Variants in PPP1R42 observed in about 807,000 individuals in gnomAD.
The protein encoded by PPP1R42 is leucine rich repeat containing 67.
Under a neutral mutation model 31.0 loss-of-function variants are expected in PPP1R42, and 34 were observed. The ratio of observed to expected loss-of-function variants is 1.10; its 90% confidence interval spans 0.83 to 1.46. The LOEUF (loss-of-function observed/expected upper bound fraction) is 1.46, where lower values mean the gene tolerates loss of function less well. PPP1R42 is among the 40% of genes most tolerant of loss of function. PPP1R42 has a pLI of 0.00. For synonymous variants in PPP1R42, 103 were observed against 109.8 expected, an observed-to-expected ratio of 0.94 and a Z score of 0.39; for missense variants, 268 against 303.0, an observed-to-expected ratio of 0.88 and a Z score of 0.86.
At chr8:67,010,664 C>G in intron 5 of PPP1R42, 51 bp downstream of exon 5, 1 of 1,254,848 alleles carries the variant, frequency 8.0e-7, no homozygotes, top group Non-Finnish European at 1.1e-6. Flanking sequence ...AAACATTTTT[C>G]AATCATAATT....
chr8:67,007,838 C>T (rs537977137), intron 5 of PPP1R42, among the ~76,000 whole-genome samples: 1 of 151,140 alleles, frequency 6.6e-6, no homozygotes, highest in East Asian at 1.9e-4. Flanking sequence ...CCTTATTTCA[C>T]TTGCCCCAAA....
At chr8:66,973,522 T>G (rs1174243699) in intron 7 of PPP1R42, among the ~76,000 whole-genome samples, 2 of 152,160 alleles carry the variant, frequency 1.3e-5, no homozygotes, top group African/African-American at 4.8e-5. Flanking sequence ...GCCAGGCTGG[T>G]CTCGAACTCC....
intron 6 of PPP1R42, chr8:66,988,098 A>G (rs1563419466): frequency 9.9e-7 from 1 of 1,013,316 alleles, no homozygotes; most frequent in Non-Finnish European, 1.2e-6. Flanking sequence ...TGTGCTAACG[A>G]AAGTTTGGCA....
intron 1 of PPP1R42, among the ~76,000 whole-genome samples, chr8:67,022,774 T>C (rs1333005553): frequency 1.3e-5 from 2 of 152,098 alleles, no homozygotes; most frequent in Non-Finnish European, 2.9e-5. Context: ...TCTTCTATGG[T>C]TCTTTTCTCT....
intron 7 of PPP1R42, among the ~76,000 whole-genome samples, chr8:66,981,694 A>C (rs1301609478): frequency 2.0e-5 from 3 of 152,120 alleles, no homozygotes; most frequent in African/African-American, 7.2e-5. Context: ...TTGCACTGTT[A>C]CTTAACAAAT....
chr8:67,017,945 A>G, intron 1 of PPP1R42, 114 bp from the exon 2 acceptor site: 1 of 459,144 alleles, frequency 2.2e-6, no homozygotes, highest in Non-Finnish European at 3.5e-6. Context: ...AAGCTAGTTT[A>G]TAGACATTTT....
intron 7 of PPP1R42, among the ~76,000 whole-genome samples, chr8:66,980,011 G>T (rs1814781852): frequency 6.6e-6 from 1 of 152,104 alleles, no homozygotes; most frequent in East Asian, 1.9e-4. Context: ...CATCTTTGGT[G>T]TAATACTGAA....
intron 1 of PPP1R42, among the ~76,000 whole-genome samples, 166 bp from the exon 2 acceptor site, chr8:67,017,997 C>T (rs1816067852): frequency 6.6e-6 from 1 of 152,174 alleles, no homozygotes; most frequent in Admixed American, 6.5e-5. Flanking sequence ...GACATAACTT[C>T]ATAAAAAGAT....
At chr8:67,015,034 C>G (rs1420449111) in intron 2 of PPP1R42, among the ~76,000 whole-genome samples, 1 of 150,078 alleles carries the variant, frequency 6.7e-6, no homozygotes, top group Non-Finnish European at 1.5e-5. Flanking sequence ...ATTTTTTTTT[C>G]CTGAGATGGA....
At chr8:67,008,357 C>T (rs1815746576) in intron 5 of PPP1R42, among the ~76,000 whole-genome samples, 2 of 152,032 alleles carry the variant, frequency 1.3e-5, no homozygotes, top group Admixed American at 1.3e-4. Flanking sequence ...AATAGATTAA[C>T]TTGATGGGGA....
chr8:66,965,281 A>G (rs1166938084), intron 7 of PPP1R42, among the ~76,000 whole-genome samples: 3 of 150,618 alleles, frequency 2.0e-5, no homozygotes, highest in Admixed American at 2.0e-4. Flanking sequence ...AAAAAAAAAA[A>G]GAAAACCTTT....
At chr8:66,974,895 AAT>A (rs1056163753) in intron 7 of PPP1R42, among the ~76,000 whole-genome samples, 7 of 152,210 alleles carry the variant, frequency 4.6e-5, no homozygotes, top group Non-Finnish European at 8.8e-5. Context: ...GTATCTATGT[AAT>A]ATATTTCAAA....
At chr8:67,025,934 G>A (rs1330654222) in intron 1 of PPP1R42, among the ~76,000 whole-genome samples, 2 of 151,590 alleles carry the variant, frequency 1.3e-5, no homozygotes. Context: ...GAACCTGGGA[G>A]GCAGAGGTGG....
At chr8:67,004,908 C>CT (rs1815626602) in intron 5 of PPP1R42, among the ~76,000 whole-genome samples, 1 of 152,130 alleles carries the variant, frequency 6.6e-6, no homozygotes, top group Non-Finnish European at 1.5e-5. Context: ...CTCTGAAACT[C>CT]TTAAATATCA....
intron 5 of PPP1R42, among the ~76,000 whole-genome samples, chr8:67,007,538 G>T (rs993799737): frequency 2.0e-5 from 3 of 152,076 alleles, no homozygotes; most frequent in Non-Finnish European, 4.4e-5. Context: ...TATTGTATAA[G>T]GTTTCGCCAC....
At chr8:66,972,455 T>C (rs1475979650) in intron 7 of PPP1R42, among the ~76,000 whole-genome samples, 4 of 152,160 alleles carry the variant, frequency 2.6e-5, no homozygotes, top group African/African-American at 9.7e-5. Flanking sequence ...AGTGGCACAA[T>C]CTCGGCTCAC....
At chr8:67,007,397 CTG>C (rs1815719099) in intron 5 of PPP1R42, among the ~76,000 whole-genome samples, 1 of 152,074 alleles carries the variant, frequency 6.6e-6, no homozygotes, top group Non-Finnish European at 1.5e-5. Context: ...TTTTTTCACT[CTG>C]TCACCCAGGC....
chr8:66,994,548 C>T (rs577115744), intron 5 of PPP1R42, among the ~76,000 whole-genome samples: 1 of 152,254 alleles, frequency 6.6e-6, no homozygotes, highest in South Asian at 2.1e-4. Flanking sequence ...TTAAAGTAGT[C>T]ACTTACAAAA....
intron 7 of PPP1R42, chr8:66,971,033 C>CA: frequency 6.5e-7 from 1 of 1,531,488 alleles, no homozygotes; most frequent in African/African-American, 1.4e-5. Flanking sequence ...TCTGGAGATG[C>CA]ATTTGCATTT....
Sources: gnomAD v4.1 joint callset for allele counts (sites outside exome capture counted in the v4.1 genomes callset) on GRCh38, gnomAD v4.1.1 for gene constraint, MANE v1.5 for transcripts, NCBI Gene and HGNC (gene_info 2026-07-23, HGNC 2026-07-21) for gene names.